AKAP13: variants seen among roughly 807,000 people sequenced by gnomAD.
AKAP13 encodes A-kinase anchoring protein 13.
A neutral mutation model predicts 264.5 loss-of-function variants in AKAP13; 80 were observed. That is an observed-to-expected ratio of 0.30 (90% confidence interval 0.25 to 0.36). AKAP13 has a LOEUF of 0.36. AKAP13 is among the 10% of genes least tolerant of loss of function. AKAP13 has a pLI of 1.00. For missense variants in AKAP13, 3,712 were observed against 3,435.2 expected (o/e 1.08, Z -2.01); for synonymous variants, 1,380 against 1,250.2 (o/e 1.10, Z -2.19).
rs971141632 is a variant in AKAP13, at chr15:85,708,028, C to G, written c.5474C>G (p.Ala1825Gly). The change falls in exon 18 of 37, where the codon GCT becomes GGT. Residue 1825 changes from alanine to glycine, a missense_variant. Coordinates refer to ENST00000394518, the MANE Select transcript of AKAP13 (RefSeq NM_007200.5). The surrounding 1 kb of genome is among the most constrained non-coding windows in gnomAD (Gnocchi z 4.3). ...KDAYTCANCS[A>G]FVHKGCRESL... Reference sequence around the variant, plus strand: ...TTTGCTTTCTTTTCAGATTGCAGTGCTTTTGTCCACAAAGGCTGCCGAGAA... The same window carrying G: ...TTTGCTTTCTTTTCAGATTGCAGTGGTTTTGTCCACAAAGGCTGCCGAGAA... 6.2e-7 allele frequency: 1 copy of G among 1,613,880 alleles called. No individual in the cohort carries two copies. Among genetic ancestry groups the G allele is most frequent in the East Asian group, 2.2e-5 (1 of 44,862 alleles).
intron 1 of AKAP13, among the ~76,000 whole-genome samples, chr15:85,435,861 C>T (rs2073262120): frequency 6.8e-6 from 1 of 146,558 alleles, no homozygotes; most frequent in Non-Finnish European, 1.5e-5. Context: ...GCTGCAAAAT[C>T]ATGCCAAAAT....
intron 1 of AKAP13, among the ~76,000 whole-genome samples, chr15:85,475,107 T>C (rs976326383): frequency 2.0e-5 from 3 of 152,212 alleles, no homozygotes; most frequent in Non-Finnish European, 4.4e-5. Context: ...TTTTGGTTGA[T>C]AGAGGCTGGG....
chr15:85,504,868 GCT>G (rs1288754561), intron 2 of AKAP13, among the ~76,000 whole-genome samples: 9 of 150,944 alleles, frequency 6.0e-5, no homozygotes, highest in Admixed American at 4.0e-4. Context: ...GCTCTTTCTC[GCT>G]CTCTCTCTCT....
Position 85,580,959 on chromosome 15 carries a change from A to G in AKAP13, c.2891A>G (p.His964Arg). ...CCTGGACAAGATACTCAACAATTTCATGAAAAATCAATCTCAGCTGACTGT... is the reference window on the plus strand; with the variant it reads ...CCTGGACAAGATACTCAACAATTTCGTGAAAAATCAATCTCAGCTGACTGT... ...PPPGQDTQQFHEKSISADCAK... is the reference protein window; with the variant it reads ...PPPGQDTQQFREKSISADCAK... Residue 964 changes from histidine to arginine, a missense_variant, in exon 7 of 37, where the codon CAT (histidine) becomes CGT (arginine). Physicochemically the swap from His to Arg is conservative, Grantham distance 29 (BLOSUM62 0). Around this residue, in one of 3 missense-constraint regions of AKAP13, gnomAD observed 2,759 missense variants for 2,411.7 expected, o/e 1.14. Coordinates refer to ENST00000394518, the MANE Select transcript of AKAP13 (RefSeq NM_007200.5). 1 of 1,614,124 alleles carries G rather than the reference A, an allele frequency of 6.2e-7. No individual in the cohort carries two copies. Among genetic ancestry groups the G allele is most frequent in the Non-Finnish European group, 8.5e-7 (1 of 1,179,980 alleles).
At chr15:85,440,672 C>T (rs951277565) in intron 1 of AKAP13, among the ~76,000 whole-genome samples, 2 of 152,168 alleles carry the variant, frequency 1.3e-5, no homozygotes, top group Non-Finnish European at 1.5e-5. Context: ...AAGTTGTCAA[C>T]AGGGCGTTGC....
intron 7 of AKAP13, chr15:85,583,097 T>A: frequency 1.0e-6 from 1 of 985,510 alleles, no homozygotes; most frequent in Non-Finnish European, 1.2e-6. Context: ...TGCACACTTC[T>A]ATACCACCAC....
At chr15:85,617,794 T>C (rs532138373) in intron 8 of AKAP13, among the ~76,000 whole-genome samples, 6 of 152,250 alleles carry the variant, frequency 3.9e-5, no homozygotes, top group Non-Finnish European at 7.3e-5. Context: ...CATTCAAGCC[T>C]AAAGGCTCTT....
chr15:85,735,538 A>T, intron 31 of AKAP13, 22 bp from the exon 32 acceptor site: 1 of 1,529,768 alleles, frequency 6.5e-7, no homozygotes, highest in Non-Finnish European at 8.8e-7. Context: ...TAAAAAAAAA[A>T]ACAACCCTAT....
chr15:85,548,689 T>G (rs1298958955), intron 5 of AKAP13, among the ~76,000 whole-genome samples: 2 of 152,192 alleles, frequency 1.3e-5, no homozygotes, highest in African/African-American at 2.4e-5. Flanking sequence ...TCAGTAAAAT[T>G]AGAGTTAACT....
At position 85,748,277 on chromosome 15, in the gene AKAP13, AGAGGGTGGCTGT is replaced by A. The variant is rs1304232169; in HGVS notation, c.*3605_*3616del. The A allele has an allele frequency of 6.6e-6, 1 of 152,262 alleles. No individual in the cohort carries two copies. The highest frequency in any genetic ancestry group is 1.5e-5 in the Non-Finnish European group (1 of 68,082). The allele number at this position is 152,262 out of a possible 1,614,324, so 9.4% of individuals were successfully genotyped here. A position where few individuals can be genotyped will look rare whatever the true frequency, so the allele number is the denominator to read the frequency against. Reference sequence around the variant, plus strand: ...GTGAATGGGCTTCAAGTGGTCACAAAGAGGGTGGCTGTGAGGTGACCCCAGACACTGCAGAAC... The same window carrying A: ...GTGAATGGGCTTCAAGTGGTCACAAAGAGGTGACCCCAGACACTGCAGAAC... On this transcript the variant is annotated 3_prime_UTR_variant, in exon 37 of 37. Transcript: ENST00000394518.
intron 4 of AKAP13, chr15:85,534,230 G>C (rs1012106271): frequency 3.1e-6 from 1 of 320,238 alleles, no homozygotes; most frequent in African/African-American, 2.1e-5. Context: ...TCAAAGACAT[G>C]GTTTTCATTA....
At chr15:85,638,871 C>G (rs2082182514) in intron 8 of AKAP13, among the ~76,000 whole-genome samples, 1 of 152,044 alleles carries the variant, frequency 6.6e-6, no homozygotes, top group South Asian at 2.1e-4. Flanking sequence ...ATTCTTGTGC[C>G]TCAGCCTCCT....
intron 1 of AKAP13, among the ~76,000 whole-genome samples, chr15:85,424,156 G>A (rs2072656737): frequency 6.6e-6 from 1 of 152,224 alleles, no homozygotes; most frequent in Non-Finnish European, 1.5e-5. Flanking sequence ...TAACAAGAGA[G>A]TCAGCTTGTC....
intron 1 of AKAP13, among the ~76,000 whole-genome samples, chr15:85,459,531 G>T (rs1406290415): frequency 6.9e-6 from 1 of 145,982 alleles, no homozygotes; most frequent in Non-Finnish European, 1.5e-5. Context: ...ATGGAGTCTC[G>T]CTCTGTCGCC....
At chr15:85,587,729 C>A (rs1351040993) in intron 8 of AKAP13, among the ~76,000 whole-genome samples, 1 of 152,146 alleles carries the variant, frequency 6.6e-6, no homozygotes, top group Non-Finnish European at 1.5e-5. Context: ...TCATTGCAAC[C>A]TCCACCTCCT....
intron 1 of AKAP13, among the ~76,000 whole-genome samples, chr15:85,463,248 G>C (rs1269062048): frequency 2.0e-5 from 3 of 152,118 alleles, no homozygotes; most frequent in African/African-American, 7.2e-5. Flanking sequence ...AAAGAAGGGA[G>C]CATGGGAAAG....
intron 2 of AKAP13, among the ~76,000 whole-genome samples, chr15:85,488,486 T>C (rs1257534924): frequency 6.6e-6 from 1 of 152,232 alleles, no homozygotes; most frequent in Non-Finnish European, 1.5e-5. Flanking sequence ...CCCAAATTTA[T>C]TCACTTCTTA....
At chr15:85,458,379 ATTT>A (rs937688611) in intron 1 of AKAP13, among the ~76,000 whole-genome samples, 1 of 107,534 alleles carries the variant, frequency 9.3e-6, no homozygotes, top group Non-Finnish European at 1.7e-5. Context: ...CTTTTTTTGT[ATTT>A]TTTGTTTTTT....
At chr15:85,721,930 A>G in intron 23 of AKAP13, 61 bp from the exon 24 acceptor site, 1 of 1,594,712 alleles carries the variant, frequency 6.3e-7, no homozygotes, top group Non-Finnish European at 8.5e-7. Flanking sequence ...GAAACATTTT[A>G]CAAAATGGTA....
Sources: allele counts gnomAD v4.1 joint callset (sites outside exome capture counted in the v4.1 genomes callset), GRCh38; gene constraint gnomAD v4.1.1; regional missense constraint gnomAD v4.1.1; non-coding constraint Gnocchi (gnomAD v3.1); transcripts MANE v1.5; gene names NCBI Gene and HGNC (gene_info 2026-07-23, HGNC 2026-07-21).